The following SERPINB12 variants were observed in gnomAD, a reference collection of about 807,000 sequenced individuals.
SERPINB12 encodes serpin family B member 12, also known as serpin B12.
SERPINB12 carries 57 observed loss-of-function variants against 41.1 expected under a neutral mutation model. The observed-to-expected ratio is 1.39, with a 90% CI of 1.12 to 1.73. SERPINB12 has a LOEUF of 1.73. Ranked by LOEUF, SERPINB12 falls within the 40% of genes most tolerant of loss-of-function variation. SERPINB12 has a pLI of 0.00. For missense variants in SERPINB12, 536 were observed against 501.9 expected (o/e 1.07, Z -0.65); for synonymous variants, 180 against 181.3 (o/e 0.99, Z 0.06).
At chr18:63,556,369 G>T in intron 2 of SERPINB12, 42 bp downstream of exon 2, 1 of 1,565,486 alleles carries the variant, frequency 6.4e-7, no homozygotes, top group Non-Finnish European at 8.7e-7. Context: ...CTAAACTCTG[G>T]GTCCACACTC....
At chr18:63,528,971 G>T in the SERPINB12 span, among the ~76,000 whole-genome samples, 3 of 152,132 alleles carry the variant, frequency 2.0e-5, no homozygotes, top group African/African-American at 7.2e-5. Flanking sequence ...GGGTAGAAAA[G>T]GCAACTCCTG....
At position 63,566,703 on chromosome 18, in the gene SERPINB12, C is replaced by G. The variant is rs1911111143; in HGVS notation, c.970C>G (p.Leu324Val). The G allele has an allele frequency of 6.2e-7, 1 of 1,614,044 alleles. No individual in the cohort carries two copies. ...GGTCCTGTCCTTCCCCCGGTTCACC[C>G]TGGAAGACAGCTATGATCTCAATTC... ...SVVLSFPRFT[L>V]EDSYDLNSIL... The change falls in exon 8 of 8, where the codon CTG becomes GTG. Residue 324 changes from leucine to valine, a missense_variant. Physicochemically the swap from Leu to Val is conservative, Grantham distance 32. Coordinates refer to ENST00000382768, the MANE Select transcript of SERPINB12 (RefSeq NM_001307928.2).
intron 3 of SERPINB12, among the ~76,000 whole-genome samples, chr18:63,559,012 T>C (rs1422629061): frequency 5.3e-5 from 3 of 57,134 alleles, no homozygotes; most frequent in Non-Finnish European, 1.4e-4. Flanking sequence ...CCTTCTTTCT[T>C]TCTTTCTTTC....
intron 1 of SERPINB12, among the ~76,000 whole-genome samples, chr18:63,554,667 G>T (rs1476472925): frequency 1.3e-5 from 2 of 152,188 alleles, no homozygotes; most frequent in African/African-American, 2.4e-5. Context: ...GAATAGATTG[G>T]GTGGGGAAGG....
chr18:63,549,223 A>C (rs1039881945), intron 1 of SERPINB12, among the ~76,000 whole-genome samples: 3 of 152,148 alleles, frequency 2.0e-5, no homozygotes, highest in Non-Finnish European at 4.4e-5. Context: ...TGGAAAGCAC[A>C]CGGAAAAATA....
chr18:63,553,235 T>C (rs1247138295), intron 1 of SERPINB12, among the ~76,000 whole-genome samples: 1 of 152,124 alleles, frequency 6.6e-6, no homozygotes, highest in African/African-American at 2.4e-5. Flanking sequence ...AGTGCCAGAA[T>C]TAGAATGGAA....
At chr18:63,563,804 G>A (rs1475010910) in intron 5 of SERPINB12, among the ~76,000 whole-genome samples, 174 bp from the exon 6 acceptor site, 1 of 151,970 alleles carries the variant, frequency 6.6e-6, no homozygotes, top group African/African-American at 2.4e-5. Context: ...GCTGAGGCAG[G>A]AGAATCGCTT....
At chr18:63,551,563 C>T (rs904006514) in intron 1 of SERPINB12, among the ~76,000 whole-genome samples, 2 of 152,034 alleles carry the variant, frequency 1.3e-5, no homozygotes, top group African/African-American at 4.8e-5. Context: ...TTTTACTCAA[C>T]ATTATCTTAT....
At chr18:63,559,073 C>CCTT (rs879943254) in intron 3 of SERPINB12, among the ~76,000 whole-genome samples, 77,935 of 125,330 alleles carry the variant, frequency 0.62, 25,065 homozygotes, top group Middle Eastern at 0.75. Context: ...CTTCTTCTCT[C>CCTT]CTTCTCTCCT....
Position 63,567,803 on chromosome 18 carries a change from C to T in SERPINB12, c.*792C>T, listed in dbSNP as rs1290551407. Among the ~76,000 whole-genome samples, 4 of 152,210 alleles carry T rather than the reference C, an allele frequency of 2.6e-5. No homozygotes were observed. The highest frequency in any genetic ancestry group is 9.6e-5 in the African/African-American group (4 of 41,464). ...TCCTCCCCCTAGCTCCAAGAATTCC[C>T]ACCTGTGGCTAGCTCCTTTTATGCA... is the stretch of plus-strand genomic sequence containing the variant. On this transcript the variant is annotated 3_prime_UTR_variant, in exon 8 of 8. Transcript: ENST00000382768.
chr18:63,565,046 G>C (rs938001854), intron 6 of SERPINB12, among the ~76,000 whole-genome samples: 1 of 152,062 alleles, frequency 6.6e-6, no homozygotes, highest in African/African-American at 2.4e-5. Context: ...AATTAGCCAG[G>C]TGTGGTGGTC....
At chr18:63,535,390 C>G in the SERPINB12 span, among the ~76,000 whole-genome samples, 6 of 152,008 alleles carry the variant, frequency 3.9e-5, no homozygotes, top group Non-Finnish European at 7.4e-5. Flanking sequence ...GGTGATGCCC[C>G]GAGATAGCTC....
At chr18:63,543,456 T>C (rs1242131327) in intron 1 of SERPINB12, among the ~76,000 whole-genome samples, 1 of 152,200 alleles carries the variant, frequency 6.6e-6, no homozygotes, top group Non-Finnish European at 1.5e-5. Context: ...CCTGACACAT[T>C]ATAGGCACTT....
chr18:63,524,875 C>T, the SERPINB12 span, among the ~76,000 whole-genome samples: 27 of 151,418 alleles, frequency 1.8e-4, 1 homozygote, highest in South Asian at 5.6e-3. Context: ...TCAGCCACTC[C>T]AGTAGCTGGG....
At chr18:63,550,536 C>A (rs1029646580) in intron 1 of SERPINB12, among the ~76,000 whole-genome samples, 8 of 151,984 alleles carry the variant, frequency 5.3e-5, no homozygotes, top group African/African-American at 1.9e-4. Context: ...GCATGAACAC[C>A]CACACACACA....
chr18:63,521,321 C>T, the SERPINB12 span, among the ~76,000 whole-genome samples: 4 of 152,218 alleles, frequency 2.6e-5, no homozygotes, highest in African/African-American at 9.7e-5. Flanking sequence ...AAAGCATCAG[C>T]GATCAGTCAT....
In SERPINB12 at chr18:63,552,915, A is replaced by G. The variant is rs77087068; in HGVS notation, c.-18-3227A>G. Among the ~76,000 whole-genome samples the G allele has an allele frequency of 6.3e-3, 964 of 152,318 alleles. 9 individuals carry two copies. The highest frequency in any genetic ancestry group is 0.022 in the African/African-American group (923 of 41,574). ...TTTTAGACTTGTATGTAAAGCCAGGAAAGATCTTCCTATTGTAAGGGCTTA... is the reference window on the plus strand; with the variant it reads ...TTTTAGACTTGTATGTAAAGCCAGGGAAGATCTTCCTATTGTAAGGGCTTA... On this transcript the variant is annotated intron_variant, in intron 1 of 7. Transcript: ENST00000382768.
intron 3 of SERPINB12, among the ~76,000 whole-genome samples, 161 bp downstream of exon 3, chr18:63,558,647 A>C (rs551901153): frequency 8.5e-5 from 13 of 152,196 alleles, no homozygotes; most frequent in Non-Finnish European, 1.5e-4. Flanking sequence ...TATGGATCTC[A>C]GATGTCCTTG....
intron 7 of SERPINB12, 43 bp from the exon 8 acceptor site, chr18:63,566,564 G>T (rs764603573): frequency 1.3e-6 from 2 of 1,528,796 alleles, no homozygotes; most frequent in South Asian, 2.6e-5. Flanking sequence ...ATTCTTTGTG[G>T]TCCCATAATC....
Sources: gnomAD v4.1 joint callset for allele counts (sites outside exome capture counted in the v4.1 genomes callset) on GRCh38, gnomAD v4.1.1 for gene constraint, MANE v1.5 for transcripts, NCBI Gene and HGNC (gene_info 2026-07-23, HGNC 2026-07-21) for gene names.